DNAH1: variants seen among roughly 807,000 people sequenced by gnomAD.
DNAH1 encodes the protein dynein axonemal heavy chain 1, also known as axonemal beta dynein heavy chain 1.
Under a neutral mutation model 484.3 loss-of-function variants are expected in DNAH1, and 327 were observed. The observed-to-expected ratio is 0.68, with a 90% confidence interval of 0.62 to 0.74. The LOEUF (loss-of-function observed/expected upper bound fraction) is 0.74, where lower values mean the gene tolerates loss of function less well. DNAH1 is among the 30% of genes least tolerant of loss of function. DNAH1 has a pLI of 0.00. For missense variants in DNAH1, 5,052 were observed against 5,546.8 expected, an observed-to-expected ratio of 0.91 and a Z score of 2.83; for synonymous variants, 2,192 against 2,191.9, an observed-to-expected ratio of 1.00 and a Z score of 0.00.
intron 44 of DNAH1, chr3:52,374,004 A>G (rs888975854): frequency 9.3e-7 from 1 of 1,077,640 alleles, no homozygotes; most frequent in Non-Finnish European, 1.4e-6. Context: ...GAGTCTGCAG[A>G]TTTCCAATCT....
At chr3:52,399,955 A>T (rs1419176227) in intron 77 of DNAH1, among the ~76,000 whole-genome samples, 176 bp downstream of exon 77, 1 of 152,196 alleles carries the variant, frequency 6.6e-6, no homozygotes, top group Non-Finnish European at 1.5e-5. Context: ...GGCTGTGGGG[A>T]GCACCCCTGA....
At position 52,362,506 on chromosome 3, in the gene DNAH1, G is replaced by A. The variant is rs748395042; in HGVS notation, c.5094+5G>A. 8.7e-6 allele frequency: 14 copies of A among 1,612,176 alleles called. No homozygotes were observed. The highest frequency in any genetic ancestry group is 1.2e-5 in the Non-Finnish European group (14 of 1,179,148). ...GAGCTGCCTGACAATCTGAAGGCAA[G>A]TGCAGGCCCAGAGTGGCCCAGGAAG... On this transcript the variant is annotated splice_donor_5th_base_variant and intron_variant, in intron 31 of 77. Coordinates refer to ENST00000420323, the MANE Select transcript of DNAH1 (RefSeq NM_015512.5). The surrounding 1 kb of genome is among the most constrained non-coding windows in gnomAD (Gnocchi z 5.1).
chr3:52,324,694 A>G (rs764332209), intron 3 of DNAH1, among the ~76,000 whole-genome samples: 26 of 152,154 alleles, frequency 1.7e-4, no homozygotes, highest in African/African-American at 4.3e-4. Context: ...GGTCTGGCCT[A>G]TTGTTTCCAA....
At position 52,358,467 on chromosome 3, in the gene DNAH1, G is replaced by A. The variant is rs1045681835; in HGVS notation, c.4087-91G>A. The A allele has an allele frequency of 1.6e-5, 22 of 1,337,372 alleles. No individual in the cohort carries two copies. The highest frequency in any genetic ancestry group is 2.1e-5 in the Non-Finnish European group (21 of 992,758). 82.8% of individuals were successfully genotyped at this position (1,337,372 alleles called of 1,614,324 possible). ...GCAGGGCTTTCTTCTTGAGGTGGAG[G>A]GCACCGGGCAGGCTTAGCGCTGGGG... is the stretch of plus-strand genomic sequence containing the variant. On this transcript the variant is annotated intron_variant, in intron 24 of 77. Coordinates refer to ENST00000420323, the MANE Select transcript of DNAH1 (RefSeq NM_015512.5). The surrounding 1 kb of genome is among the most constrained non-coding windows in gnomAD (Gnocchi z 4.2).
chr3:52,364,913 C>T lies in DNAH1; in HGVS notation c.5412C>T (p.Ile1804=), dbSNP rs771985542. 19 of 1,613,898 alleles carry T rather than the reference C, an allele frequency of 1.2e-5. No individual in the cohort carries two copies. In the East Asian group the frequency reaches 3.3e-4, roughly 28 times the overall value. ...LQEDLKLFSG[I]VSDLFPTIKE... Reference sequence around the variant, plus strand: ...AGGACCTCAAGCTCTTCTCTGGCATCGTGTCCGACCTGTTTCCCACCATCA... The same window carrying T: ...AGGACCTCAAGCTCTTCTCTGGCATTGTGTCCGACCTGTTTCCCACCATCA... The change falls in exon 34 of 78, where the codon ATC becomes ATT. Residue 1804 remains isoleucine (I), a synonymous_variant. Transcript: ENST00000420323. The surrounding 1 kb of genome is among the most constrained non-coding windows in gnomAD (Gnocchi z 4.2).
Position 52,392,699 on chromosome 3 carries a change from T to TGCCTGCCCACCC in DNAH1, c.10278+11_10278+22dup. 6.3e-7 allele frequency: 1 copy of TGCCTGCCCACCC among 1,590,294 alleles called. No individual in the cohort carries two copies. The highest frequency in any genetic ancestry group is 1.3e-5 in the African/African-American group (1 of 74,422). ...GGCTGCTGAGATCCAGGTCAGCTGC[T>TGCCTGCCCACCC]GCCTGCCCACCCACCTGCCCCGGGA... On this transcript the variant is annotated intron_variant, in intron 64 of 77. Transcript: ENST00000420323.
intron 57 of DNAH1, 41 bp from the exon 58 acceptor site, chr3:52,388,377 G>T (rs1206336391): frequency 6.2e-7 from 1 of 1,601,398 alleles, no homozygotes; most frequent in Non-Finnish European, 8.5e-7. Context: ...TCCCCTCCCG[G>T]GGGTACTTGG....
upstream of DNAH1, among the ~76,000 whole-genome samples, chr3:52,311,949 C>A (rs1227959937): frequency 2.0e-5 from 3 of 152,244 alleles, no homozygotes; most frequent in African/African-American, 7.2e-5. Context: ...CCCCCAGTGG[C>A]CCCATTATCC....
chr3:52,322,769 A>C lies in DNAH1; in HGVS notation c.327A>C (p.Gln109His), dbSNP rs1486263264. ...TCCTCAGCCCTGGAACCTTAGATCAACTTGGGGTGAGTATGGCAGCCATCC... is the reference window on the plus strand; with the variant it reads ...TCCTCAGCCCTGGAACCTTAGATCACCTTGGGGTGAGTATGGCAGCCATCC... ...SDILSPGTLD[Q>H]LGEVCRGPRM... Residue 109 changes from glutamine to histidine, a missense_variant, in exon 2 of 78, where the codon CAA becomes CAC. This residue lies in a region of DNAH1 where 1,263 missense variants were observed against 1,218.8 expected (regional missense o/e 1.04). Coordinates refer to ENST00000420323, the MANE Select transcript of DNAH1 (RefSeq NM_015512.5). The C allele has an allele frequency of 6.3e-7, 1 of 1,599,190 alleles. No homozygotes were observed. Among genetic ancestry groups the C allele is most frequent in the East Asian group, 2.3e-5 (1 of 44,028 alleles).
upstream of DNAH1, among the ~76,000 whole-genome samples, chr3:52,313,084 G>A (rs145601016): frequency 2.0e-3 from 305 of 152,292 alleles, no homozygotes; most frequent in African/African-American, 6.9e-3. Flanking sequence ...ACCACGCCTC[G>A]CCAGTGCCAG....
At position 52,332,189 on chromosome 3, in the gene DNAH1, C is replaced by T. The variant is rs1282147211; in HGVS notation, c.1081C>T (p.Leu361Phe). The change falls in exon 8 of 78, where the codon CTT (leucine) becomes TTT (phenylalanine). Residue 361 changes from leucine (L) to phenylalanine (F), a missense_variant. Physicochemically the swap from Leu to Phe is conservative, Grantham distance 22. This residue lies in a region of DNAH1 where 1,263 missense variants were observed against 1,218.8 expected (regional missense o/e 1.04). Transcript: ENST00000420323. ...VCQYWVPRIQ[L>F]LFCAEDPCMF... ...TCAGTACTGGGTGCCACGGATCCAG[C>T]TTCTCTTCTGCGCTGAGGACCCTTG... is the stretch of plus-strand genomic sequence containing the variant. The T allele has an allele frequency of 1.9e-6, 3 of 1,597,432 alleles. No homozygotes were observed. Among genetic ancestry groups the T allele is most frequent in the South Asian group, 2.3e-5 (2 of 88,814 alleles).
Position 52,347,819 on chromosome 3 carries a change from T to G in DNAH1, c.1956-5T>G. Reference sequence around the variant, plus strand: ...TGCCCACAGTCAGCTCGCCATTGCCTGCAGGCCCCGGAAGAATCCCCTGTT... The same window carrying G: ...TGCCCACAGTCAGCTCGCCATTGCCGGCAGGCCCCGGAAGAATCCCCTGTT... On this transcript the variant is annotated splice_polypyrimidine_tract_variant and splice_region_variant and intron_variant, in intron 11 of 77. Coordinates refer to ENST00000420323, the MANE Select transcript of DNAH1 (RefSeq NM_015512.5). 6.4e-7 allele frequency: 1 copy of G among 1,574,758 alleles called. No individual in the cohort carries two copies. Among genetic ancestry groups the G allele is most frequent in the South Asian group, 1.2e-5 (1 of 86,198 alleles).
intron 5 of DNAH1, among the ~76,000 whole-genome samples, chr3:52,327,383 T>C (rs1701385234): frequency 2.0e-5 from 3 of 152,132 alleles, no homozygotes; most frequent in Admixed American, 6.5e-5. Context: ...TCCTCTCCTC[T>C]CTGCGGCCCT....
intron 1 of DNAH1, among the ~76,000 whole-genome samples, chr3:52,319,907 A>G (rs971563983): frequency 3.3e-5 from 5 of 152,178 alleles, no homozygotes; most frequent in African/African-American, 1.2e-4. Context: ...GCCAGCTTGC[A>G]TGGAGGGAAA....
rs1702715207 is a variant in DNAH1, at chr3:52,358,582, A to G, written c.4111A>G (p.Ile1371Val). 6.2e-7 allele frequency: 1 copy of G among 1,611,552 alleles called. No homozygotes were observed. The highest frequency in any genetic ancestry group is 8.5e-7 in the Non-Finnish European group (1 of 1,179,028). ...ARLLFQEDLE[I>V]THMYSAEGEE... ...GCTGCTATTCCAGGAGGACCTGGAG[A>G]TCACGCACATGTACTCAGCCGAGGG... is the stretch of plus-strand genomic sequence containing the variant. Residue 1371 changes from isoleucine (I) to valine (V), a missense_variant, in exon 25 of 78, where the codon ATC becomes GTC. Coordinates refer to ENST00000420323, the MANE Select transcript of DNAH1 (RefSeq NM_015512.5). This position sits in a 1 kb window ranked among gnomAD's most constrained non-coding sequence, Gnocchi z 4.2.
chr3:52,317,506 A>C (rs1229526562), intron 1 of DNAH1, among the ~76,000 whole-genome samples: 1 of 152,188 alleles, frequency 6.6e-6, no homozygotes, highest in Non-Finnish European at 1.5e-5. Flanking sequence ...TCCAGTTCGT[A>C]AATTTCTTCA....
chr3:52,353,458 G>T lies in DNAH1; in HGVS notation c.3305G>T (p.Arg1102Leu). The change falls in exon 20 of 78, where the codon CGC becomes CTC. Residue 1102 changes from arginine to leucine, a missense_variant. Arg to Leu is a moderately radical substitution (Grantham distance 102). This residue lies in a region of DNAH1 where 2,929 missense variants were observed against 3,409.4 expected (regional missense o/e 0.86). Transcript: ENST00000420323. This position sits in a 1 kb window ranked among gnomAD's most constrained non-coding sequence, Gnocchi z 5.0. ...TACATCCCACTGATCCAGGGGCTGC[G>T]CAACCCTGGCATGCGGATCCGGCAC... ...KPYIPLIQGL[R>L]NPGMRIRHWE... The T allele has an allele frequency of 6.2e-7, 1 of 1,613,876 alleles. No individual in the cohort carries two copies. Among genetic ancestry groups the T allele is most frequent in the African/African-American group, 1.3e-5 (1 of 75,052 alleles).
chr3:52,383,741 C>T, intron 51 of DNAH1, 119 bp from the exon 52 acceptor site: 3 of 1,404,566 alleles, frequency 2.1e-6, no homozygotes, highest in South Asian at 2.9e-5. Context: ...TGGGCCCAGG[C>T]TGCTGTGCTG....
Position 52,397,707 on chromosome 3 carries a change from G to A in DNAH1, c.11788G>A (p.Gly3930Ser). Residue 3930 changes from glycine (G) to serine (S), a missense_variant and splice_region_variant, in exon 74 of 78, where the codon GGC (glycine) becomes AGC (serine). Around this residue, in one of 4 missense-constraint regions of DNAH1, gnomAD observed 853 missense variants for 899.0 expected, o/e 0.95. Transcript: ENST00000420323. Reference protein sequence around the residue: ...HQIPPTYDLHGYLSYIKSLPL... With the variant: ...HQIPPTYDLHSYLSYIKSLPL... ...TCCATGTTGGCCTCCTCTCTCCTAGGGCTACCTCTCCTACATCAAGAGCCT... is the reference window on the plus strand; with the variant it reads ...TCCATGTTGGCCTCCTCTCTCCTAGAGCTACCTCTCCTACATCAAGAGCCT... 1 of 1,603,382 alleles carries A rather than the reference G, an allele frequency of 6.2e-7. No homozygotes were observed. Among genetic ancestry groups the A allele is most frequent in the African/African-American group, 1.3e-5 (1 of 74,826 alleles).
Sources: allele counts gnomAD v4.1 joint callset (sites outside exome capture counted in the v4.1 genomes callset), GRCh38; gene constraint gnomAD v4.1.1; regional missense constraint gnomAD v4.1.1; non-coding constraint Gnocchi (gnomAD v3.1); transcripts MANE v1.5; gene names NCBI Gene and HGNC (gene_info 2026-07-23, HGNC 2026-07-21).